ZNF285: variants seen among roughly 807,000 people sequenced by gnomAD.
The protein encoded by ZNF285 is zinc finger protein 285A.
In ZNF285, 4 loss-of-function variants were observed where a neutral mutation model predicts 6.2. The ratio of observed to expected loss-of-function variants is 0.65; its 90% CI spans 0.32 to 1.49. The LOEUF is 1.49. ZNF285 is among the 40% of genes most tolerant of loss of function. The probability of loss-of-function intolerance (pLI) is 0.07; values close to 1 mark genes in which losing one functional copy is unlikely to be tolerated. For missense variants in ZNF285, 695 were observed against 708.8 expected (o/e 0.98, Z 0.22); for synonymous variants, 240 against 245.8 (o/e 0.98, Z 0.22).
rs995168684 is a variant in ZNF285 at position 44,385,311 on chromosome 19, C to T, written c.*1161G>A. The T allele has an allele frequency of 3.9e-5, 6 of 152,112 alleles. No homozygotes were observed. The highest frequency in any genetic ancestry group is 1.4e-4 in the African/African-American group (6 of 41,410). The allele number at this position is 152,112 out of a possible 1,614,324, so 9.4% of individuals were successfully genotyped here. Reference sequence around the variant, plus strand: ...GAGCTGACAAACCTATTCAGCATCCCACATTATAGAGTTTCTCTATTATAT... The same window carrying T: ...GAGCTGACAAACCTATTCAGCATCCTACATTATAGAGTTTCTCTATTATAT... On this transcript the variant is annotated 3_prime_UTR_variant, in exon 4 of 4. Coordinates refer to ENST00000614994, the MANE Select transcript of ZNF285 (RefSeq NM_152354.6).
chr19:44,394,212 G>A (rs1371518532), intron 2 of ZNF285, among the ~76,000 whole-genome samples: 2 of 151,866 alleles, frequency 1.3e-5, no homozygotes, highest in African/African-American at 2.4e-5. Flanking sequence ...ATTGAACAAT[G>A]AGAATACATG....
At chr19:44,394,524 A>G in intron 2 of ZNF285, 1 of 568,258 alleles carries the variant, frequency 1.8e-6, no homozygotes, top group South Asian at 2.4e-5. Context: ...ACAAACCTGC[A>G]CATGTATCCC....
At chr19:44,392,584 C>T (rs1200709041) in intron 2 of ZNF285, 118 bp from the exon 3 acceptor site, 1 of 1,584,076 alleles carries the variant, frequency 6.3e-7, no homozygotes, top group Non-Finnish European at 8.6e-7. Context: ...AAACTTATTT[C>T]TTCCTGTCCT....
chr19:44,386,629 G>C lies in ZNF285; in HGVS notation c.1616C>G (p.Pro539Arg). The change falls in exon 4 of 4, where the codon CCC becomes CGC. Residue 539 changes from proline (P) to arginine (R), a missense_variant. Transcript: ENST00000614994. Reference sequence around the variant, plus strand: ...CTTACCACATGCCTTACACTTATAGGGCCTCTCTCCTGTGTGGACTCTGAG... The same window carrying C: ...CTTACCACATGCCTTACACTTATAGCGCCTCTCTCCTGTGTGGACTCTGAG... ...VHLRVHTGER[P>R]YKCKACGKGF... 6.2e-7 allele frequency: 1 copy of C among 1,614,066 alleles called. No homozygotes were observed.
At chr19:44,396,929 A>T (rs1971290726) in intron 2 of ZNF285, 1 of 438,814 alleles carries the variant, frequency 2.3e-6, no homozygotes, top group African/African-American at 2.0e-5. Flanking sequence ...TTTTTCCCTC[A>T]TCGGGCAGTG....
chr19:44,400,435 G>T (rs963097221), intron 1 of ZNF285, among the ~76,000 whole-genome samples: 23 of 152,104 alleles, frequency 1.5e-4, no homozygotes, highest in African/African-American at 5.3e-4. Context: ...CAAATATACA[G>T]AGAGTGTTCA....
intron 2 of ZNF285, among the ~76,000 whole-genome samples, chr19:44,395,951 A>G (rs2571133): frequency 0.11 from 16,591 of 152,162 alleles, 1,585 homozygotes; most frequent in East Asian, 0.42. Flanking sequence ...CATTGAGGAC[A>G]CTGTTACAGG....
In ZNF285 at chr19:44,386,815, ACT is replaced by A. The variant is rs1971084909; in HGVS notation, c.1428_1429del (p.Arg476SerfsTer9). 1.6e-5 allele frequency: 26 copies of A among 1,614,164 alleles called. No homozygotes were observed. The highest frequency in any genetic ancestry group is 1.7e-4 in the Middle Eastern group (1 of 6,060). The stretch of plus-strand genomic sequence containing the variant: ...TTTATATGGTTTTTCTCCAGTGTGA[ACT>A]CTCTGATGAGTGTGAAGAACAGAGC... On this transcript the variant is annotated frameshift_variant, in exon 4 of 4. Transcript: ENST00000614994. LOFTEE classifies it low-confidence loss of function (END_TRUNC).
rs944971937 is a variant in ZNF285, at chr19:44,385,123, T to G, written c.*1349A>C. 2 of 151,966 alleles carry G rather than the reference T, an allele frequency of 1.3e-5. No individual in the cohort carries two copies. Among genetic ancestry groups the G allele is most frequent in the African/African-American group, 4.8e-5 (2 of 41,370 alleles). The allele number at this position is 151,966 out of a possible 1,614,324, so 9.4% of individuals were successfully genotyped here. ...AGCATCCTTTAAAAACCCATTATTA[T>G]ACAGGTCTGCTGAGAAGAAGACTGC... On this transcript the variant is annotated 3_prime_UTR_variant, in exon 4 of 4. Transcript: ENST00000614994.
intron 1 of ZNF285, among the ~76,000 whole-genome samples, chr19:44,400,368 A>ATAATGC (rs1178130487): frequency 6.6e-6 from 1 of 151,858 alleles, no homozygotes; most frequent in Admixed American, 6.5e-5. Context: ...ACGATCAGAA[A>ATAATGC]TGTAATAAAT....
chr19:44,387,227 C>T lies in ZNF285; in HGVS notation c.1018G>A (p.Gly340Arg), dbSNP rs1266163812. ...SLHNHHRVHT[G>R]EMPYKCDECG... ...TCATCGCATTTGTAGGGCATCTCCC[C>T]TGTGTGGACTCGATGATGGTTGTGA... The change falls in exon 4 of 4, where the codon GGG (glycine) becomes AGG (arginine). Residue 340 changes from glycine (G) to arginine (R), a missense_variant. Coordinates refer to ENST00000614994, the MANE Select transcript of ZNF285 (RefSeq NM_152354.6). 5.6e-6 allele frequency: 9 copies of T among 1,614,052 alleles called. No individual in the cohort carries two copies. Among genetic ancestry groups the T allele is most frequent in the East Asian group, 2.2e-5 (1 of 44,876 alleles).
chr19:44,382,590 G>A lies in ZNF285; in HGVS notation c.*3882C>T, dbSNP rs1403933491. On this transcript the variant is annotated 3_prime_UTR_variant, in exon 4 of 4. Coordinates refer to ENST00000614994, the MANE Select transcript of ZNF285 (RefSeq NM_152354.6). ...TGGGATTAGGACTAAGTTTTATAGG[G>A]AAAACATGTAAGCTAAGGGTCTGGA... The A allele has an allele frequency of 6.6e-6, 1 of 151,884 alleles. No individual in the cohort carries two copies. The highest frequency in any genetic ancestry group is 1.9e-4 in the East Asian group (1 of 5,184). The allele number at this position is 151,884 out of a possible 1,614,324, so 9.4% of individuals were successfully genotyped here.
chr19:44,391,144 C>T (rs1971187813), intron 3 of ZNF285, among the ~76,000 whole-genome samples: 1 of 146,810 alleles, frequency 6.8e-6, no homozygotes, highest in South Asian at 2.1e-4. Context: ...CAGAGCCAGA[C>T]TCCATCTCAA....
chr19:44,390,971 T>C (rs764969353), intron 3 of ZNF285, among the ~76,000 whole-genome samples: 7 of 151,844 alleles, frequency 4.6e-5, no homozygotes, highest in Non-Finnish European at 1.5e-5. Flanking sequence ...TTGGCCGACA[T>C]GGTGAAATCC....
chr19:44,393,244 T>C (rs1324920487), intron 2 of ZNF285, among the ~76,000 whole-genome samples: 1 of 152,166 alleles, frequency 6.6e-6, no homozygotes, highest in African/African-American at 2.4e-5. Flanking sequence ...TGTGTGTATA[T>C]ATGTATATTA....
At chr19:44,396,938 T>C in intron 2 of ZNF285, 1 of 468,560 alleles carries the variant, frequency 2.1e-6, no homozygotes, top group Non-Finnish European at 3.9e-6. Context: ...CATCGGGCAG[T>C]GATAAGCAGT....
chr19:44,397,080 G>A, intron 2 of ZNF285, 119 bp downstream of exon 2: 1 of 1,415,474 alleles, frequency 7.1e-7, no homozygotes. Flanking sequence ...ATTATGAGCA[G>A]ATAAAGTACC....
rs1971073033 is a variant in ZNF285 at position 44,386,496 on chromosome 19, T to C, written c.1749A>G (p.Leu583=). The part of the protein sequence containing the change: ...RGKDLLTHQR[L]HEQRETL Reference sequence around the variant, plus strand: ...TTTATAATGTTTCTCTCTGCTCATGTAGTCTTTGATGAGTCAGAAGGTCCT... The same window carrying C: ...TTTATAATGTTTCTCTCTGCTCATGCAGTCTTTGATGAGTCAGAAGGTCCT... The change falls in exon 4 of 4, where the codon CTA becomes CTG. Residue 583 remains leucine (L), a synonymous_variant. Coordinates refer to ENST00000614994, the MANE Select transcript of ZNF285 (RefSeq NM_152354.6). The C allele has an allele frequency of 6.2e-7, 1 of 1,613,064 alleles. No individual in the cohort carries two copies. Among genetic ancestry groups the C allele is most frequent in the Non-Finnish European group, 8.5e-7 (1 of 1,179,272 alleles).
chr19:44,397,118 C>T, intron 2 of ZNF285, 81 bp downstream of exon 2: 1 of 1,602,888 alleles, frequency 6.2e-7, no homozygotes, highest in East Asian at 2.2e-5. Flanking sequence ...TCAAAAAATG[C>T]TGACCTCCTT....
Sources: gnomAD v4.1 joint callset for allele counts (sites outside exome capture counted in the v4.1 genomes callset) on GRCh38, gnomAD v4.1.1 for gene constraint, MANE v1.5 for transcripts, NCBI Gene and HGNC (gene_info 2026-07-23, HGNC 2026-07-21) for gene names.